The following CNTRL variants were observed in gnomAD, a reference collection of about 807,000 sequenced individuals.
The protein encoded by CNTRL is 110 kDa centrosomal protein.
Under a neutral mutation model 303.7 loss-of-function variants are expected in CNTRL, and 233 were observed. The observed-to-expected ratio is 0.77, with a 90% CI of 0.69 to 0.86. The LOEUF (loss-of-function observed/expected upper bound fraction) is 0.86. Ranked by LOEUF, CNTRL falls within the 40% of genes least tolerant of loss-of-function variation. CNTRL has a pLI of 0.00. For synonymous variants in CNTRL, 900 were observed against 922.2 expected (o/e 0.98, Z 0.44); for missense variants, 2,524 against 2,650.6 (o/e 0.95, Z 1.05).
chr9:121,131,711 C>T (rs368140450), intron 14 of CNTRL, among the ~76,000 whole-genome samples: 20 of 152,316 alleles, frequency 1.3e-4, no homozygotes, highest in Admixed American at 9.2e-4. Flanking sequence ...TTAGTTGATG[C>T]AGTTTCTTCC....
chr9:121,094,824 A>C (rs1306607546), intron 4 of CNTRL, 64 bp from the exon 5 acceptor site: 1 of 1,214,396 alleles, frequency 8.2e-7, no homozygotes. Flanking sequence ...GCACATAAGT[A>C]AATGTTGTAC....
At chr9:121,157,385 C>T in intron 27 of CNTRL, 85 bp from the exon 28 acceptor site, 2 of 1,376,984 alleles carry the variant, frequency 1.5e-6, no homozygotes, top group Non-Finnish European at 9.8e-7. Context: ...TCTTGTTTTC[C>T]AAAAGAGCTG....
intron 16 of CNTRL, among the ~76,000 whole-genome samples, chr9:121,139,189 T>C (rs547226749): frequency 6.6e-6 from 1 of 152,368 alleles, no homozygotes; most frequent in Admixed American, 6.5e-5. Context: ...TCAATATTTT[T>C]ATAGCTGTTC....
In CNTRL at chr9:121,098,383, C is replaced by A; in HGVS notation, c.622-3C>A. On this transcript the variant is annotated splice_polypyrimidine_tract_variant and splice_region_variant and intron_variant, in intron 6 of 43. Transcript: ENST00000373855. ...TACCAATACTAATGTTATATCATTT[C>A]AGCTCCAAGATATAAGCAAGTTGAA... is the stretch of plus-strand genomic sequence containing the variant. The A allele has an allele frequency of 6.3e-7, 1 of 1,581,652 alleles. No individual in the cohort carries two copies. The highest frequency in any genetic ancestry group is 8.7e-7 in the Non-Finnish European group (1 of 1,154,260).
In CNTRL at chr9:121,107,903, G is replaced by A. The variant is rs2049555540; in HGVS notation, c.910G>A (p.Asp304Asn). ...TRFLEEIKNQ[D>N]KLNKSLKEEA... ...GTTCCTTGAGGAAATTAAAAATCAA[G>A]ATAAATTGAATAAATCATTAAAAGA... The change falls in exon 8 of 44, where the codon GAT (aspartate) becomes AAT (asparagine). Residue 304 changes from aspartate (D) to asparagine (N), a missense_variant. Transcript: ENST00000373855. The A allele has an allele frequency of 6.2e-7, 1 of 1,610,856 alleles. No individual in the cohort carries two copies. Among genetic ancestry groups the A allele is most frequent in the South Asian group, 1.1e-5 (1 of 90,544 alleles).
At position 121,162,120 on chromosome 9, in the gene CNTRL, A is replaced by C. The variant is rs1330297444; in HGVS notation, c.5272A>C (p.Lys1758Gln). 6.2e-7 allele frequency: 1 copy of C among 1,614,096 alleles called. No homozygotes were observed. Among genetic ancestry groups the C allele is most frequent in the Non-Finnish European group, 8.5e-7 (1 of 1,180,042 alleles). ...GCAGAAAGGGGAAATAGAGTGGCAGAAGCAGCTCCTTGAGAGGGATAAACG... is the reference window on the plus strand; with the variant it reads ...GCAGAAAGGGGAAATAGAGTGGCAGCAGCAGCTCCTTGAGAGGGATAAACG... ...QQQKGEIEWQ[K>Q]QLLERDKREI... The change falls in exon 34 of 44, where the codon AAG (lysine) becomes CAG (glutamine). Residue 1758 changes from lysine to glutamine, a missense_variant. By Grantham distance (53) the Lys-to-Gln change is moderately conservative. Transcript: ENST00000373855.
chr9:121,144,871 G>A lies in CNTRL; in HGVS notation c.3080G>A (p.Arg1027Lys), dbSNP rs771557722. 6.8e-6 allele frequency: 11 copies of A among 1,613,398 alleles called. No homozygotes were observed. In the South Asian group the frequency reaches 1.2e-4, roughly 18 times the overall value. ...TTGCAGGAAGCAGAGAGGTTCAGCA[G>A]AAAGGCAGCACAAGCAGCCAGAGAT... ...EELQEAERFS[R>K]KAAQAARDLT... The change falls in exon 21 of 44, where the codon AGA becomes AAA. Residue 1027 changes from arginine to lysine, a missense_variant. Transcript: ENST00000373855.
chr9:121,148,267 A>G lies in CNTRL; in HGVS notation c.3460-405A>G, dbSNP rs541516626. ...GCCAAGGACTTGTGAGTTCTAGAAA[A>G]TTGTACCAAAAGAGAGGATAGGAGA... On this transcript the variant is annotated intron_variant, in intron 23 of 43. Transcript: ENST00000373855. Among the ~76,000 whole-genome samples, 73 of 152,308 alleles carry G rather than the reference A, an allele frequency of 4.8e-4. 1 individual carries two copies. In the South Asian group the frequency reaches 0.013, roughly 26 times the overall value.
intron 4 of CNTRL, 115 bp from the exon 5 acceptor site, chr9:121,094,773 G>C: frequency 1.4e-6 from 1 of 700,412 alleles, no homozygotes; most frequent in South Asian, 2.0e-5. Flanking sequence ...AGAGCAGTAA[G>C]GGTATATTAT....
At chr9:121,095,565 T>C (rs1013659301) in intron 5 of CNTRL, among the ~76,000 whole-genome samples, 39 of 152,214 alleles carry the variant, frequency 2.6e-4, no homozygotes, top group Non-Finnish European at 4.1e-4. Context: ...GAATCAAATC[T>C]TGAAATTCTT....
At position 121,090,389 on chromosome 9, in the gene CNTRL, G is replaced by T; in HGVS notation, c.332G>T (p.Gly111Val). The T allele has an allele frequency of 6.2e-7, 1 of 1,609,774 alleles. No individual in the cohort carries two copies. ...KSLNLSLSKDGGKKFKYIENL... is the reference protein window; with the variant it reads ...KSLNLSLSKDVGKKFKYIENL... ...CTGAACCTTTCACTTTCTAAAGACGGTGGCAAGAAATTTAAGGTAGGTTAC... is the reference window on the plus strand; with the variant it reads ...CTGAACCTTTCACTTTCTAAAGACGTTGGCAAGAAATTTAAGGTAGGTTAC... The change falls in exon 4 of 44, where the codon GGT (glycine) becomes GTT (valine). Residue 111 changes from glycine (G) to valine (V), a missense_variant. Gly to Val is a moderately radical substitution (Grantham distance 109). Transcript: ENST00000373855.
chr9:121,159,103 A>G (rs2052729104), intron 31 of CNTRL, 84 bp downstream of exon 31: 7 of 1,331,886 alleles, frequency 5.3e-6, no homozygotes, highest in South Asian at 1.4e-5. Flanking sequence ...CTTCTCCCCA[A>G]ATGAAAATAT....
In CNTRL at chr9:121,088,442, T is replaced by C. The variant is rs1218588086; in HGVS notation, c.116T>C (p.Ile39Thr). Reference sequence around the variant, plus strand: ...AGATCTAGGTCACTTTCACCTTTGATTGGATCAGAGACTCTACCTTTTCAT... The same window carrying C: ...AGATCTAGGTCACTTTCACCTTTGACTGGATCAGAGACTCTACCTTTTCAT... ...NMRSRSLSPL[I>T]GSETLPFHSG... Residue 39 changes from isoleucine (I) to threonine (T), a missense_variant, in exon 3 of 44, where the codon ATT becomes ACT. Coordinates refer to ENST00000373855, the MANE Select transcript of CNTRL (RefSeq NM_007018.6). The C allele has an allele frequency of 6.2e-7, 1 of 1,612,440 alleles. No individual in the cohort carries two copies. The highest frequency in any genetic ancestry group is 1.3e-5 in the African/African-American group (1 of 74,910).
chr9:121,140,841 G>T (rs1319169424), intron 17 of CNTRL, 55 bp downstream of exon 17: 2 of 1,542,880 alleles, frequency 1.3e-6, no homozygotes, highest in Non-Finnish European at 1.8e-6. Flanking sequence ...CTTGAGAGTT[G>T]TGAGTGTGAG....
rs759066290 is a variant in CNTRL, at chr9:121,158,072, A to C, written c.4727A>C (p.Gln1576Pro). The C allele has an allele frequency of 5.0e-6, 8 of 1,614,206 alleles. No individual in the cohort carries two copies. Among genetic ancestry groups the C allele is most frequent in the Non-Finnish European group, 6.8e-6 (8 of 1,180,030 alleles). The change falls in exon 30 of 44, where the codon CAG becomes CCG. Residue 1576 changes from glutamine (Q) to proline (P), a missense_variant. Physicochemically the swap from Gln to Pro is moderately conservative, Grantham distance 76 (BLOSUM62 -1). Transcript: ENST00000373855. Reference sequence around the variant, plus strand: ...CTTAAAGAATCTGAGGTGCTTCTTCAGGCCAAAAGAGCCGAGCTGGAAAAG... The same window carrying C: ...CTTAAAGAATCTGAGGTGCTTCTTCCGGCCAAAAGAGCCGAGCTGGAAAAG... ...QVLKESEVLL[Q>P]AKRAELEKLK...
At chr9:121,142,478 T>C (rs892809598) in intron 19 of CNTRL, among the ~76,000 whole-genome samples, 2 of 152,214 alleles carry the variant, frequency 1.3e-5, no homozygotes, top group South Asian at 4.1e-4. Flanking sequence ...GAAACGAGAA[T>C]TGAGAATGTA....
intron 42 of CNTRL, 113 bp from the exon 43 acceptor site, chr9:121,174,905 C>T: frequency 2.3e-6 from 2 of 882,282 alleles, no homozygotes; most frequent in Non-Finnish European, 3.7e-6. Flanking sequence ...GCATTTTTGA[C>T]AGCCATTCCT....
chr9:121,088,687 A>G, intron 3 of CNTRL, 144 bp downstream of exon 3: 1 of 606,762 alleles, frequency 1.6e-6, no homozygotes, highest in Non-Finnish European at 2.9e-6. Flanking sequence ...AAGGACTGTA[A>G]GGACAGTTGG....
Position 121,175,182 on chromosome 9 carries a change from G to A in CNTRL, c.6912G>A (p.Leu2304=). ...CGTCATCACCCAGTCTGTCTCAGCT[G>A]GAGTCTTCCCTCACAGAGGACTCTC... ...DSASSPSLSQ[L]ESSLTEDSQL... is the part of the protein sequence containing the mutation. The change falls in exon 43 of 44, where the codon CTG becomes CTA. Residue 2304 remains leucine (L), a synonymous_variant. Transcript: ENST00000373855. The A allele has an allele frequency of 6.2e-7, 1 of 1,614,106 alleles. No individual in the cohort carries two copies. Among genetic ancestry groups the A allele is most frequent in the South Asian group, 1.1e-5 (1 of 91,088 alleles).
Sources: allele counts gnomAD v4.1 joint callset (sites outside exome capture counted in the v4.1 genomes callset), GRCh38; gene constraint gnomAD v4.1.1; transcripts MANE v1.5; gene names NCBI Gene and HGNC (gene_info 2026-07-23, HGNC 2026-07-21).